The following AREL1 variants were observed in gnomAD, a reference collection of about 807,000 sequenced individuals.
AREL1 encodes apoptosis-resistant E3 ubiquitin protein ligase 1.
Under a neutral mutation model 99.0 loss-of-function variants are expected in AREL1, and 62 were observed. That is an observed-to-expected ratio of 0.63 (90% CI 0.51 to 0.77). The LOEUF (loss-of-function observed/expected upper bound fraction) is 0.77. AREL1 is among the 30% of genes least tolerant of loss of function. The pLI is 0.00. For missense variants in AREL1, 879 were observed against 1,027.6 expected (o/e 0.86, Z 1.98); for synonymous variants, 380 against 376.5 (o/e 1.01, Z -0.11).
At position 74,683,368 on chromosome 14, in the gene AREL1, G is replaced by A; in HGVS notation, c.409C>T (p.Arg137Cys). ...CCAAGCTTCACTGTGATTTCATAAC[G>A]CCCAGCCTTGCGCACAGTGAAGGCC... ...KVAFTVRKAG[R>C]YEITVKLGGL... The change falls in exon 5 of 20, where the codon CGT becomes TGT. Residue 137 changes from arginine (R) to cysteine (C), a missense_variant. Transcript: ENST00000356357. The A allele has an allele frequency of 6.2e-7, 1 of 1,614,066 alleles. No homozygotes were observed. The highest frequency in any genetic ancestry group is 8.5e-7 in the Non-Finnish European group (1 of 1,180,020).
At chr14:74,679,387 A>T (rs1173480120) in intron 5 of AREL1, among the ~76,000 whole-genome samples, 1 of 152,156 alleles carries the variant, frequency 6.6e-6, no homozygotes, top group East Asian at 1.9e-4. Context: ...ATGCTACTGC[A>T]CGCCATCATG....
intron 5 of AREL1, among the ~76,000 whole-genome samples, chr14:74,677,131 A>G (rs1048191631): frequency 7.9e-5 from 12 of 151,812 alleles, no homozygotes; most frequent in African/African-American, 2.9e-4. Flanking sequence ...TCTTCAGGGC[A>G]CAAAGATCTG....
chr14:74,678,210 A>T (rs2089537717), intron 5 of AREL1: 2 of 454,940 alleles, frequency 4.4e-6, no homozygotes, highest in South Asian at 3.1e-5. Flanking sequence ...GAGCTACAGT[A>T]ATCAGGCTGT....
intron 17 of AREL1, among the ~76,000 whole-genome samples, chr14:74,666,718 A>ATTTTT (rs71449202): frequency 7.6e-6 from 1 of 132,002 alleles, no homozygotes; most frequent in African/African-American, 2.9e-5. Flanking sequence ...CTACTCATTG[A>ATTTTT]TTTTTTTTTT....
At chr14:74,686,567 T>C (rs143836502) in intron 2 of AREL1, among the ~76,000 whole-genome samples, 15 of 152,362 alleles carry the variant, frequency 9.8e-5, no homozygotes, top group Non-Finnish European at 1.6e-4. Context: ...GTCAATGTTA[T>C]CTTGACCCAA....
intron 3 of AREL1, among the ~76,000 whole-genome samples, chr14:74,685,330 C>T (rs576046849): frequency 6.6e-6 from 1 of 152,218 alleles, no homozygotes; most frequent in African/African-American, 2.4e-5. Flanking sequence ...TTGACCGTTC[C>T]CCTTTATGTT....
intron 1 of AREL1, chr14:74,711,990 C>T (rs12434646): frequency 0.41 from 54,153 of 133,338 alleles, 12,380 homozygotes; most frequent in Middle Eastern, 0.53. Context: ...CAGAGGTACC[C>T]ATTCCGTTCC....
chr14:74,667,606 A>G lies in AREL1; in HGVS notation c.1915-12T>C, dbSNP rs1187281149. 6.3e-7 allele frequency: 1 copy of G among 1,592,426 alleles called. No individual in the cohort carries two copies. The highest frequency in any genetic ancestry group is 8.6e-7 in the Non-Finnish European group (1 of 1,168,390). ...ATGAGTTCTACAACCTGTAACAGGC[A>G]GCAAAAGACAGACAAGGGAGAGGCT... On this transcript the variant is annotated splice_polypyrimidine_tract_variant and intron_variant, in intron 15 of 19. Transcript: ENST00000356357.
At chr14:74,683,172 AG>A in intron 5 of AREL1, 123 bp downstream of exon 5, 1 of 719,806 alleles carries the variant, frequency 1.4e-6, no homozygotes, top group Non-Finnish European at 2.2e-6. Flanking sequence ...ATACTTTAAA[AG>A]GATGAATTTT....
At position 74,676,754 on chromosome 14, in the gene AREL1, T is replaced by C; in HGVS notation, c.482-2A>G. 9 of 1,583,808 alleles carry C rather than the reference T, an allele frequency of 5.7e-6. No homozygotes were observed. The highest frequency in any genetic ancestry group is 7.7e-6 in the Non-Finnish European group (9 of 1,167,210). ...TGGTCTTAGAAGGAACCACCATTCCTGGAACAAAGACAATGGAATCTAACA... is the reference window on the plus strand; with the variant it reads ...TGGTCTTAGAAGGAACCACCATTCCCGGAACAAAGACAATGGAATCTAACA... On this transcript the variant is annotated splice_acceptor_variant, in intron 5 of 19. Transcript: ENST00000356357. LOFTEE classifies it high-confidence loss of function.
At chr14:74,699,468 C>T (rs914176255) in intron 1 of AREL1, among the ~76,000 whole-genome samples, 23 of 152,012 alleles carry the variant, frequency 1.5e-4, no homozygotes, top group African/African-American at 5.6e-4. Flanking sequence ...TCCCATCCAG[C>T]GCTGGTTCCC....
intron 1 of AREL1, among the ~76,000 whole-genome samples, chr14:74,711,472 G>C: frequency 6.6e-6 from 1 of 152,024 alleles, no homozygotes. Context: ...GAACCTGGGA[G>C]GGGGAGGTTG....
chr14:74,677,010 A>G (rs1237082749), intron 5 of AREL1, among the ~76,000 whole-genome samples: 3 of 151,860 alleles, frequency 2.0e-5, no homozygotes, highest in East Asian at 2.0e-4. Context: ...TGTGTTAGCC[A>G]GGATAGTCTC....
At chr14:74,668,693 A>G (rs143736847) in intron 15 of AREL1, among the ~76,000 whole-genome samples, 48 of 152,230 alleles carry the variant, frequency 3.2e-4, no homozygotes, top group African/African-American at 1.1e-3. Flanking sequence ...TCCAGAAAGG[A>G]TATCTGATTA....
At chr14:74,667,398 TAA>T in intron 16 of AREL1, 21 bp from the exon 17 acceptor site, 1 of 1,614,196 alleles carries the variant, frequency 6.2e-7, no homozygotes, top group South Asian at 1.1e-5. Flanking sequence ...GTAGGCAAGT[TAA>T]AGTCATACCC....
At chr14:74,684,351 GA>G in intron 4 of AREL1, 102 bp downstream of exon 4, 1 of 1,055,738 alleles carries the variant, frequency 9.5e-7, no homozygotes. Context: ...GGAGGGAGTT[GA>G]AAAACAAGAG....
At chr14:74,710,518 TAAG>T (rs150844876) in intron 1 of AREL1, among the ~76,000 whole-genome samples, 2,997 of 152,260 alleles carry the variant, frequency 0.02, 81 homozygotes, top group African/African-American at 0.067. Flanking sequence ...GTCAAATGTT[TAAG>T]AAGAATAACT....
At position 74,712,953 on chromosome 14, in the gene AREL1, C is replaced by T; in HGVS notation, c.-354G>A. 1 of 704,062 alleles carries T rather than the reference C, an allele frequency of 1.4e-6. No individual in the cohort carries two copies. Among genetic ancestry groups the T allele is most frequent in the Non-Finnish European group, 2.6e-6 (1 of 388,856 alleles). The allele number at this position is 704,062 out of a possible 1,614,324, so 43.6% of individuals were successfully genotyped here. ...GTTACCCGAGCCGGGGGTTGCAGCGCGACGAAGTTCCACCTCCGCTGTCCT... is the reference window on the plus strand; with the variant it reads ...GTTACCCGAGCCGGGGGTTGCAGCGTGACGAAGTTCCACCTCCGCTGTCCT... On this transcript the variant is annotated 5_prime_UTR_variant, in exon 1 of 20. Coordinates refer to ENST00000356357, the MANE Select transcript of AREL1 (RefSeq NM_001039479.2).
intron 16 of AREL1, 33 bp from the exon 17 acceptor site, chr14:74,667,410 C>T: frequency 6.2e-7 from 1 of 1,614,194 alleles, no homozygotes; most frequent in Non-Finnish European, 8.5e-7. Flanking sequence ...AAGTCATACC[C>T]ACACCATGGA....
Sources: gnomAD v4.1 joint callset for allele counts (sites outside exome capture counted in the v4.1 genomes callset) on GRCh38, gnomAD v4.1.1 for gene constraint, MANE v1.5 for transcripts, NCBI Gene and HGNC (gene_info 2026-07-23, HGNC 2026-07-21) for gene names.